The following FOXP1 variants were observed in gnomAD, a reference collection of about 807,000 sequenced individuals.
The protein encoded by FOXP1 is forkhead box P1.
FOXP1 carries 15 observed loss-of-function variants against 98.2 expected under a neutral mutation model. That is an observed-to-expected ratio of 0.15 (90% CI 0.10 to 0.24). FOXP1 has a LOEUF of 0.24. Among genes scored for constraint, FOXP1 ranks in the 10% least tolerant of loss-of-function variants. FOXP1 has a pLI of 1.00. For synonymous variants in FOXP1, 371 were observed against 314.5 expected, an observed-to-expected ratio of 1.18 and a Z score of -1.90; for missense variants, 633 against 848.5, an observed-to-expected ratio of 0.75 and a Z score of 3.15.
intron 12 of FOXP1, among the ~76,000 whole-genome samples, chr3:71,013,343 C>A (rs762416654): frequency 1.3e-5 from 2 of 152,108 alleles, no homozygotes; most frequent in East Asian, 1.9e-4. Context: ...TCCAATCACC[C>A]AGCTGCAATT....
intron 3 of FOXP1, among the ~76,000 whole-genome samples, chr3:71,400,955 G>C (rs1457360270): frequency 6.6e-6 from 1 of 152,176 alleles, no homozygotes; most frequent in Non-Finnish European, 1.5e-5. Flanking sequence ...CATAAAAACA[G>C]AAGGATCTTC....
intron 3 of FOXP1, among the ~76,000 whole-genome samples, chr3:71,486,050 A>T (rs1315462890): frequency 6.6e-6 from 1 of 152,034 alleles, no homozygotes; most frequent in Non-Finnish European, 1.5e-5. Context: ...AGAACCACGG[A>T]ATCTATTCAA....
rs955219959 is a variant in FOXP1, at chr3:71,448,414, A to G, written c.-168+45012T>C. ...AAAGAAATTCTGGTACCTCTCCCAA[A>G]AGACAAACTGTACCTATAATAATAT... On this transcript the variant is annotated intron_variant, in intron 3 of 20. Coordinates refer to ENST00000649528, the MANE Select transcript of FOXP1 (RefSeq NM_001349338.3). Among the ~76,000 whole-genome samples, 3 of 152,218 alleles carry G rather than the reference A, an allele frequency of 2.0e-5. No individual in the cohort carries two copies. The South Asian group carries it at 6.2e-4, about 32-fold the overall frequency.
chr3:71,397,570 A>G (rs1256812224), intron 3 of FOXP1, among the ~76,000 whole-genome samples: 3 of 152,252 alleles, frequency 2.0e-5, no homozygotes, highest in African/African-American at 4.8e-5. Context: ...TAAATGTTAA[A>G]CAAATGATTT....
chr3:71,297,911 T>C (rs2073479247), intron 5 of FOXP1, among the ~76,000 whole-genome samples: 1 of 152,178 alleles, frequency 6.6e-6, no homozygotes, highest in Admixed American at 6.5e-5. Context: ...CTGGCCTGTT[T>C]AATCATAATT....
intron 3 of FOXP1, among the ~76,000 whole-genome samples, chr3:71,442,733 T>A (rs2086059659): frequency 6.6e-6 from 1 of 152,070 alleles, no homozygotes; most frequent in Non-Finnish European, 1.5e-5. Context: ...CCAGGCCTGC[T>A]CCATCAGGAA....
intron 7 of FOXP1, among the ~76,000 whole-genome samples, chr3:71,097,013 C>T (rs1021673491): frequency 2.6e-5 from 4 of 152,182 alleles, no homozygotes; most frequent in Non-Finnish European, 5.9e-5. Context: ...TTCCTCCAAG[C>T]TGACACAGCC....
chr3:70,970,752 A>G lies in FOXP1; in HGVS notation c.1706T>C (p.Leu569Pro), dbSNP rs768967099. The G allele has an allele frequency of 1.2e-6, 2 of 1,613,728 alleles. No individual in the cohort carries two copies. The highest frequency in any genetic ancestry group is 2.2e-5 in the South Asian group (2 of 91,070). Residue 569 changes from leucine to proline, a missense_variant, in exon 19 of 21, where the codon CTC becomes CCC. Around this residue, in one of 6 missense-constraint regions of FOXP1, gnomAD observed 150 missense variants for 163.7 expected, o/e 0.92. Coordinates refer to ENST00000649528, the MANE Select transcript of FOXP1 (RefSeq NM_001349338.3). ...TAATCTTACCTGTAAAGCTGCATTG[A>G]GAGGTGTGCAGTAGGCGTGGCTGCT... is the stretch of plus-strand genomic sequence containing the variant. ...MQSSHAYCTP[L>P]NAALQASMAE...
chr3:71,446,032 CA>C (rs1248882941), intron 3 of FOXP1, among the ~76,000 whole-genome samples: 1 of 133,752 alleles, frequency 7.5e-6, no homozygotes, highest in East Asian at 2.0e-4. Context: ...GAAAACAACT[CA>C]TAGGTGAGTG....
At chr3:71,292,897 C>T (rs1385073164) in intron 5 of FOXP1, among the ~76,000 whole-genome samples, 1 of 152,134 alleles carries the variant, frequency 6.6e-6, no homozygotes, top group Admixed American at 6.5e-5. Flanking sequence ...TCACAAAGTC[C>T]CATTCACCAA....
intron 3 of FOXP1, among the ~76,000 whole-genome samples, chr3:71,393,236 G>C (rs1341675186): frequency 2.0e-5 from 3 of 152,058 alleles, no homozygotes; most frequent in Admixed American, 2.0e-4. Context: ...GGTTTGGTGT[G>C]AAAATCATGA....
intron 5 of FOXP1, among the ~76,000 whole-genome samples, chr3:71,285,279 T>A (rs964010725): frequency 6.6e-6 from 1 of 152,234 alleles, no homozygotes. Flanking sequence ...GTCATTTGTA[T>A]GAATCAGTCG....
intron 5 of FOXP1, among the ~76,000 whole-genome samples, chr3:71,255,030 G>A (rs576211113): frequency 5.3e-5 from 8 of 152,164 alleles, no homozygotes; most frequent in African/African-American, 1.4e-4. Context: ...GCAGTGAGTC[G>A]GTGATCACAC....
chr3:71,569,662 G>A (rs904821417), intron 2 of FOXP1, among the ~76,000 whole-genome samples: 8 of 152,044 alleles, frequency 5.3e-5, no homozygotes, highest in Admixed American at 5.2e-4. Context: ...TACACATAGA[G>A]AGAGAGAAAG....
chr3:71,487,689 A>G (rs2090758214), intron 3 of FOXP1, among the ~76,000 whole-genome samples: 1 of 152,228 alleles, frequency 6.6e-6, no homozygotes, highest in African/African-American at 2.4e-5. Context: ...AATTTAGCCA[A>G]AAGGTTTGAT....
At chr3:70,965,483 C>T (rs2034555354) in intron 20 of FOXP1, among the ~76,000 whole-genome samples, 1 of 152,148 alleles carries the variant, frequency 6.6e-6, no homozygotes, top group Non-Finnish European at 1.5e-5. Flanking sequence ...TCGTGGTGAA[C>T]CTTAGTGCAC....
intron 7 of FOXP1, among the ~76,000 whole-genome samples, chr3:71,097,089 A>G (rs1030237319): frequency 1.3e-5 from 2 of 152,176 alleles, no homozygotes; most frequent in African/African-American, 2.4e-5. Flanking sequence ...TAGTCCCCTC[A>G]ATAAGGAATC....
intron 4 of FOXP1, among the ~76,000 whole-genome samples, chr3:71,331,500 G>C (rs1015404510): frequency 2.4e-4 from 37 of 152,366 alleles, no homozygotes; most frequent in African/African-American, 8.9e-4. Flanking sequence ...GCGCGGGACT[G>C]GCACGCAGCT....
chr3:71,019,891 T>C (rs1462650018), intron 11 of FOXP1, among the ~76,000 whole-genome samples: 1 of 152,094 alleles, frequency 6.6e-6, no homozygotes, highest in African/African-American at 2.4e-5. Context: ...AACCACGGGC[T>C]TGATGAATGT....
Sources: gnomAD v4.1 joint callset for allele counts (sites outside exome capture counted in the v4.1 genomes callset) on GRCh38, gnomAD v4.1.1 for gene constraint, gnomAD v4.1.1 regional missense constraint, MANE v1.5 for transcripts, NCBI Gene and HGNC (gene_info 2026-07-23, HGNC 2026-07-21) for gene names.